Variants in PRKX observed in about 807,000 individuals in gnomAD.
PRKX encodes the protein cAMP-dependent protein kinase catalytic subunit PRKX.
Under a neutral mutation model 22.0 loss-of-function variants are expected in PRKX, and 12 were observed. That is an observed-to-expected ratio of 0.54 (90% CI 0.35 to 0.88). The LOEUF is 0.88. Ranked by LOEUF, PRKX falls within the 40% of genes least tolerant of loss-of-function variation. PRKX has a pLI of 0.01. For synonymous variants in PRKX, 134 were observed against 137.7 expected, an observed-to-expected ratio of 0.97 and a Z score of 0.19; for missense variants, 217 against 308.0, an observed-to-expected ratio of 0.70 and a Z score of 2.21.
intron 5 of PRKX, among the ~76,000 whole-genome samples, chrX:3,625,287 G>T (rs1452713446): frequency 9.0e-6 from 1 of 111,678 alleles, no homozygotes; most frequent in Non-Finnish European, 1.9e-5. Flanking sequence ...AAACTCAACT[G>T]AACGTAGCCA....
intron 6 of PRKX, among the ~76,000 whole-genome samples, chrX:3,618,388 T>C (rs904533555): frequency 7.4e-4 from 82 of 111,542 alleles, no homozygotes; most frequent in Non-Finnish European, 1.2e-3. Flanking sequence ...GAGGCCAAGG[T>C]GGGCGGATCA....
chrX:3,654,034 ATATATATAT>A (rs1215053951), intron 3 of PRKX, among the ~76,000 whole-genome samples: 5 of 80,506 alleles, frequency 6.2e-5, no homozygotes, highest in African/African-American at 1.5e-4. Flanking sequence ...ATACTATGTA[ATATATATAT>A]TATATATATT....
intron 1 of PRKX, among the ~76,000 whole-genome samples, chrX:3,691,859 T>G (rs1928333132): frequency 9.2e-6 from 1 of 109,167 alleles, no homozygotes; most frequent in Non-Finnish European, 1.9e-5. Context: ...GATGATTGAT[T>G]GATTGAATGA....
At chrX:3,691,425 C>T (rs1433320498) in intron 1 of PRKX, among the ~76,000 whole-genome samples, 1 of 88,597 alleles carries the variant, frequency 1.1e-5, no homozygotes, top group Non-Finnish European at 2.3e-5. Flanking sequence ...ACCCAGTCCC[C>T]CCGCCCCGGG....
At chrX:3,620,527 G>A (rs1033101437) in intron 6 of PRKX, among the ~76,000 whole-genome samples, 3 of 112,361 alleles carry the variant, frequency 2.7e-5, no homozygotes, top group Middle Eastern at 4.6e-3. Flanking sequence ...GCAGGTGAGC[G>A]AAGCTTCACC....
chrX:3,665,060 G>C (rs1391194945), intron 2 of PRKX, among the ~76,000 whole-genome samples: 1 of 112,593 alleles, frequency 8.9e-6, no homozygotes, highest in Non-Finnish European at 1.9e-5. Flanking sequence ...GCATACTCTA[G>C]TGGCATGAGG....
rs752312635 is a variant in PRKX, at chrX:3,672,096, G to A, written c.335+2502C>T. Among the ~76,000 whole-genome samples the A allele has an allele frequency of 4.5e-5, 5 of 111,614 alleles. No homozygotes were observed. The South Asian group carries it at 1.5e-3, about 34-fold the overall frequency. The stretch of plus-strand genomic sequence containing the variant: ...TGTAGTCCCGGCTACTCTGGAGGCT[G>A]AGGAAGGAGGATGGCTTAAGCCCGG... On this transcript the variant is annotated intron_variant, in intron 2 of 8. Coordinates refer to ENST00000262848, the MANE Select transcript of PRKX (RefSeq NM_005044.5).
chrX:3,692,143 G>A (rs184747659), intron 1 of PRKX, among the ~76,000 whole-genome samples: 216 of 107,771 alleles, frequency 2.0e-3, no homozygotes, highest in Middle Eastern at 9.5e-3. Flanking sequence ...GAGAGAGAGA[G>A]AGACAGAAAG....
chrX:3,612,395 G>A (rs763047582), intron 7 of PRKX, 70 bp from the exon 8 acceptor site: 60 of 1,040,488 alleles, frequency 5.8e-5, no homozygotes, highest in South Asian at 4.3e-4. Flanking sequence ...TGCACACACC[G>A]CTTTATTTCT....
At chrX:3,652,334 C>T (rs901936863) in intron 3 of PRKX, among the ~76,000 whole-genome samples, 9 of 109,241 alleles carry the variant, frequency 8.2e-5, no homozygotes, top group Admixed American at 5.9e-4. Context: ...AGGAGAATGG[C>T]GTGAACTCGG....
intron 3 of PRKX, among the ~76,000 whole-genome samples, chrX:3,647,273 T>C (rs1487472899): frequency 9.3e-6 from 1 of 107,477 alleles, no homozygotes; most frequent in African/African-American, 3.3e-5. Context: ...TAGCTACATA[T>C]AACTTTCTAA....
chrX:3,681,665 T>A lies in PRKX; in HGVS notation c.167-6899A>T, dbSNP rs1465412586. 3.3e-4 allele frequency among the ~76,000 whole-genome samples: 36 copies of A among 107,844 alleles called. 2 individuals carry two copies. The highest frequency in any genetic ancestry group is 6.3e-4 in the African/African-American group (19 of 30,168). The allele number at this position is 107,844 out of a possible 115,157, so 93.6% of individuals were successfully genotyped here. A position where few individuals can be genotyped will look rare whatever the true frequency, so the allele number is the denominator to read the frequency against. Reference sequence around the variant, plus strand: ...TTTTGTCTCAAAAAAAAATTTTTTTTAAATAATAAATATATCTCTCTTGGT... The same window carrying A: ...TTTTGTCTCAAAAAAAAATTTTTTTAAAATAATAAATATATCTCTCTTGGT... On this transcript the variant is annotated intron_variant, in intron 1 of 8. Transcript: ENST00000262848.
intron 3 of PRKX, among the ~76,000 whole-genome samples, chrX:3,654,209 A>G (rs1275685546): frequency 2.1e-5 from 2 of 94,838 alleles, no homozygotes; most frequent in African/African-American, 7.7e-5. Context: ...TAGTATACCT[A>G]TATGATACTA....
chrX:3,651,970 T>C (rs1264354689), intron 3 of PRKX, among the ~76,000 whole-genome samples: 1 of 111,621 alleles, frequency 9.0e-6, no homozygotes, highest in South Asian at 3.8e-4. Context: ...TTCAGCAGCT[T>C]GGGCGTGTGA....
At chrX:3,621,413 A>G in intron 5 of PRKX, 97 bp from the exon 6 acceptor site, 2 of 760,969 alleles carry the variant, frequency 2.6e-6, no homozygotes, top group Non-Finnish European at 3.9e-6. Context: ...TCTATCTGAC[A>G]TGAGGACCGC....
intron 1 of PRKX, among the ~76,000 whole-genome samples, chrX:3,690,025 C>T (rs898027671): frequency 9.0e-6 from 1 of 111,393 alleles, no homozygotes; most frequent in African/African-American, 3.3e-5. Context: ...TGTGAATAAA[C>T]TGAAAACTAA....
intron 1 of PRKX, among the ~76,000 whole-genome samples, chrX:3,680,680 A>T (rs1928054085): frequency 8.9e-6 from 1 of 112,215 alleles, no homozygotes; most frequent in Non-Finnish European, 1.9e-5. Flanking sequence ...CTAAAATATT[A>T]GGTGAATCAC....
intron 2 of PRKX, chrX:3,668,266 A>G (rs992043929): frequency 8.9e-6 from 1 of 111,958 alleles, no homozygotes; most frequent in Non-Finnish European, 1.9e-5. Flanking sequence ...TGGACAAAGA[A>G]GAGGAAGAGA....
intron 1 of PRKX, among the ~76,000 whole-genome samples, chrX:3,689,353 A>G (rs1928250482): frequency 8.9e-6 from 1 of 112,579 alleles, no homozygotes; most frequent in African/African-American, 3.2e-5. Flanking sequence ...TCTATTTTAT[A>G]GACAGGAAAA....
Sources: gnomAD v4.1 joint callset for allele counts (sites outside exome capture counted in the v4.1 genomes callset) on GRCh38, gnomAD v4.1.1 for gene constraint, MANE v1.5 for transcripts, NCBI Gene and HGNC (gene_info 2026-07-23, HGNC 2026-07-21) for gene names.